EML4: variants seen among roughly 807,000 people sequenced by gnomAD.
EML4 encodes the protein echinoderm microtubule-associated protein-like 4.
A neutral mutation model predicts 129.0 loss-of-function variants in EML4; 72 were observed. The ratio of observed to expected loss-of-function variants is 0.56; its 90% CI spans 0.46 to 0.68. The LOEUF (loss-of-function observed/expected upper bound fraction) is 0.68. Ranked by LOEUF, EML4 falls within the 30% of genes least tolerant of loss-of-function variation. The pLI is 0.00. For synonymous variants in EML4, 532 were observed against 405.0 expected (o/e 1.31, Z -3.77); for missense variants, 1,363 against 1,190.6 (o/e 1.14, Z -2.13).
intron 16 of EML4, among the ~76,000 whole-genome samples, chr2:42,303,678 C>T (rs1050777680): frequency 5.3e-5 from 8 of 152,220 alleles, no homozygotes; most frequent in Non-Finnish European, 8.8e-5. Context: ...GTAATCCCAG[C>T]ACTTTGGGAG....
chr2:42,323,125 T>C (rs1219278336), intron 19 of EML4, among the ~76,000 whole-genome samples: 1 of 152,210 alleles, frequency 6.6e-6, no homozygotes, highest in Non-Finnish European at 1.5e-5. Flanking sequence ...AAGATGCAGA[T>C]AGTATTTTTA....
At chr2:42,297,984 A>G (rs1668054437) in intron 13 of EML4, among the ~76,000 whole-genome samples, 1 of 152,204 alleles carries the variant, frequency 6.6e-6, no homozygotes, top group Non-Finnish European at 1.5e-5. Flanking sequence ...TTAAGTAGGT[A>G]TGAGGTATTT....
chr2:42,232,911 GA>G (rs1389492922), intron 1 of EML4, among the ~76,000 whole-genome samples: 6 of 152,226 alleles, frequency 3.9e-5, no homozygotes, highest in African/African-American at 1.4e-4. Flanking sequence ...TTTTTTAGTA[GA>G]GATGGGGTTT....
intron 1 of EML4, among the ~76,000 whole-genome samples, chr2:42,216,941 A>G (rs181116494): frequency 1.5e-4 from 23 of 152,368 alleles, no homozygotes; most frequent in Admixed American, 7.8e-4. Flanking sequence ...GGAAGGAATA[A>G]AGATCTACTT....
intron 1 of EML4, among the ~76,000 whole-genome samples, chr2:42,240,647 C>G (rs1290548016): frequency 2.6e-5 from 4 of 152,184 alleles, no homozygotes; most frequent in Non-Finnish European, 5.9e-5. Context: ...TTAACCTCAT[C>G]CTTAGACTTC....
chr2:42,197,074 T>C (rs1671934959), intron 1 of EML4, among the ~76,000 whole-genome samples: 1 of 152,152 alleles, frequency 6.6e-6, no homozygotes, highest in Non-Finnish European at 1.5e-5. Context: ...AAATTGTGTC[T>C]TTATTTATTT....
intron 1 of EML4, among the ~76,000 whole-genome samples, chr2:42,235,271 G>C (rs1221198743): frequency 1.3e-5 from 2 of 151,700 alleles, no homozygotes; most frequent in African/African-American, 4.8e-5. Context: ...ACTCAGTCTG[G>C]GTGACAAGAG....
intron 1 of EML4, among the ~76,000 whole-genome samples, chr2:42,237,995 G>A (rs753820452): frequency 1.3e-5 from 2 of 152,140 alleles, no homozygotes; most frequent in Non-Finnish European, 2.9e-5. Flanking sequence ...TTGTCCATGT[G>A]GGTGTCTGAA....
chr2:42,193,041 C>CTGCA (rs760401401), intron 1 of EML4, among the ~76,000 whole-genome samples: 2 of 152,170 alleles, frequency 1.3e-5, no homozygotes, highest in African/African-American at 2.4e-5. Flanking sequence ...TAGTCTTTAG[C>CTGCA]TGCAGTACAA....
intron 1 of EML4, among the ~76,000 whole-genome samples, chr2:42,231,874 G>A (rs1377573646): frequency 6.6e-6 from 1 of 152,066 alleles, no homozygotes; most frequent in Admixed American, 6.5e-5. Context: ...GCGTGAACCC[G>A]GGAGGCAGAG....
chr2:42,244,707 TA>T (rs1427280843), intron 1 of EML4, among the ~76,000 whole-genome samples: 1 of 152,158 alleles, frequency 6.6e-6, no homozygotes, highest in Non-Finnish European at 1.5e-5. Flanking sequence ...AGTAAAGTAG[TA>T]AAGATGCTTC....
intron 1 of EML4, among the ~76,000 whole-genome samples, chr2:42,190,966 A>C (rs1671547812): frequency 6.6e-6 from 1 of 152,244 alleles, no homozygotes; most frequent in Non-Finnish European, 1.5e-5. Flanking sequence ...TTGACAGGCC[A>C]GATTTGGCTG....
At chr2:42,254,624 T>C (rs1332352691) in intron 2 of EML4, among the ~76,000 whole-genome samples, 1 of 152,062 alleles carries the variant, frequency 6.6e-6, no homozygotes, top group East Asian at 1.9e-4. Flanking sequence ...TGAGTTTTTT[T>C]TTTTTTTTAA....
At chr2:42,240,833 A>ACAGAG (rs1205178144) in intron 1 of EML4, among the ~76,000 whole-genome samples, 11 of 152,202 alleles carry the variant, frequency 7.2e-5, no homozygotes, top group Admixed American at 7.2e-4. Flanking sequence ...GAAAGCAGTC[A>ACAGAG]CAGAGTTGGT....
At chr2:42,327,405 T>C (rs1022104872) in intron 21 of EML4, among the ~76,000 whole-genome samples, 1 of 152,230 alleles carries the variant, frequency 6.6e-6, no homozygotes, top group Non-Finnish European at 1.5e-5. Flanking sequence ...TGTTTACTCT[T>C]TTGAGCAACT....
chr2:42,304,633 A>C (rs766696731), intron 17 of EML4, 82 bp downstream of exon 17: 126 of 1,031,138 alleles, frequency 1.2e-4, no homozygotes, highest in Non-Finnish European at 1.8e-4. Flanking sequence ...TCTGATCTGG[A>C]GAATTAATCT....
At chr2:42,203,503 TTATA>T (rs1301641078) in intron 1 of EML4, among the ~76,000 whole-genome samples, 3 of 152,166 alleles carry the variant, frequency 2.0e-5, no homozygotes, top group Non-Finnish European at 4.4e-5. Context: ...CACATGAACT[TTATA>T]TAGATTTTAT....
intron 1 of EML4, among the ~76,000 whole-genome samples, chr2:42,243,468 A>G (rs1455713916): frequency 1.3e-5 from 2 of 152,230 alleles, no homozygotes; most frequent in Non-Finnish European, 2.9e-5. Flanking sequence ...AATGTGCTCA[A>G]AGTTTTCAAA....
Position 42,284,618 on chromosome 2 carries a change from T to TA in EML4, c.942-14dup. 6.3e-7 allele frequency: 1 copy of TA among 1,598,144 alleles called. No individual in the cohort carries two copies. Among genetic ancestry groups the TA allele is most frequent in the East Asian group, 2.2e-5 (1 of 44,606 alleles). On this transcript the variant is annotated splice_polypyrimidine_tract_variant and intron_variant, in intron 8 of 22. Transcript: ENST00000318522. The stretch of plus-strand genomic sequence containing the variant: ...TGTTTCCTGTGTTTAAAATCATTCT[T>TA]AATACTGCTTTTTAGCCTTGCTATA...
Sources: allele counts gnomAD v4.1 joint callset (sites outside exome capture counted in the v4.1 genomes callset), GRCh38; gene constraint gnomAD v4.1.1; transcripts MANE v1.5; gene names NCBI Gene and HGNC (gene_info 2026-07-23, HGNC 2026-07-21).